Variants in AK9 observed in about 807,000 individuals in gnomAD.
AK9 encodes adenylate kinase domain containing 1.
Under a neutral mutation model 239.6 loss-of-function variants are expected in AK9, and 191 were observed. The ratio of observed to expected loss-of-function variants is 0.80; its 90% CI spans 0.71 to 0.90. AK9 has a LOEUF of 0.90. Among genes scored for constraint, AK9 ranks in the 40% least tolerant of loss-of-function variants. The pLI, the probability that AK9 is intolerant of heterozygous loss-of-function variation, is 0.00. For synonymous variants in AK9, 689 were observed against 721.0 expected, an observed-to-expected ratio of 0.96 and a Z score of 0.71; for missense variants, 1,995 against 2,214.7, an observed-to-expected ratio of 0.90 and a Z score of 1.99.
intron 17 of AK9, among the ~76,000 whole-genome samples, chr6:109,587,331 T>G (rs768378063): frequency 6.6e-6 from 1 of 152,238 alleles, no homozygotes; most frequent in African/African-American, 2.4e-5. Flanking sequence ...AACATTGAGA[T>G]ATAACTTATA....
In AK9 at chr6:109,497,697, A is replaced by T. The variant is rs144863971; in HGVS notation, c.5216+99T>A. On this transcript the variant is annotated intron_variant, in intron 37 of 40. Transcript: ENST00000424296. ...AGAAATAGAATATTTTTCCAATTAA[A>T]CAACAGCGAACTTTTGACCAATATG... The T allele has an allele frequency of 2.1e-6, 3 of 1,440,230 alleles. No homozygotes were observed. The African/African-American group carries it at 4.3e-5, about 21-fold the overall frequency. 89.2% of individuals were successfully genotyped at this position (1,440,230 alleles called of 1,614,324 possible). A position where few individuals can be genotyped will look rare whatever the true frequency, so the allele number is the denominator to read the frequency against.
At chr6:109,630,317 A>G (rs562329344) in intron 12 of AK9, among the ~76,000 whole-genome samples, 3 of 152,310 alleles carry the variant, frequency 2.0e-5, no homozygotes, top group African/African-American at 7.2e-5. Flanking sequence ...CAGAAGAGTC[A>G]ATATTGTAAA....
At chr6:109,502,957 A>ATGTGTGTGTGTGTGTGTGTG (rs58542655) in intron 35 of AK9, among the ~76,000 whole-genome samples, 12 of 145,498 alleles carry the variant, frequency 8.2e-5, no homozygotes, top group African/African-American at 3.0e-4. Context: ...CAGGAACGGT[A>ATGTGTGTGTGTGTGTGTGTG]TGTGTGTGTG....
chr6:109,659,786 G>A (rs1383884103), intron 6 of AK9, among the ~76,000 whole-genome samples: 1 of 152,054 alleles, frequency 6.6e-6, no homozygotes, highest in Non-Finnish European at 1.5e-5. Context: ...AGCAAAATGG[G>A]GGGAATAGCC....
intron 8 of AK9, among the ~76,000 whole-genome samples, chr6:109,645,143 T>G (rs751283157): frequency 2.0e-5 from 3 of 152,212 alleles, no homozygotes; most frequent in Non-Finnish European, 4.4e-5. Context: ...GCGTGATCGA[T>G]GCAGAAGATG....
intron 27 of AK9, among the ~76,000 whole-genome samples, chr6:109,539,595 T>A (rs571936248): frequency 5.3e-5 from 8 of 152,350 alleles, no homozygotes; most frequent in Admixed American, 5.2e-4. Context: ...AGCCTTCTTC[T>A]CTCAACTTGT....
chr6:109,636,560 T>C lies in AK9; in HGVS notation c.934-3237A>G, dbSNP rs1447555638. On this transcript the variant is annotated intron_variant, in intron 10 of 40. Coordinates refer to ENST00000424296, the MANE Select transcript of AK9 (RefSeq NM_001145128.3). Reference sequence around the variant, plus strand: ...CTCTGTACTCATGAAATAACTCTCCTTCCCCCCAGCCCCTGGTAACCTCTA... The same window carrying C: ...CTCTGTACTCATGAAATAACTCTCCCTCCCCCCAGCCCCTGGTAACCTCTA... Among the ~76,000 whole-genome samples, 3 of 151,316 alleles carry C rather than the reference T, an allele frequency of 2.0e-5. No homozygotes were observed. In the East Asian group the frequency reaches 5.8e-4, roughly 29 times the overall value.
Position 109,545,944 on chromosome 6 carries a change from G to T in AK9, c.3148C>A (p.Gln1050Lys). The stretch of plus-strand genomic sequence containing the variant: ...TCTTCAAGTTCTTGTTTGGCAGCTT[G>T]CTCGTTCTCAGAATCTTCCTCAAAT... ...PEFEEDSENEQAAKQELEELA... is the reference protein window; with the variant it reads ...PEFEEDSENEKAAKQELEELA... Residue 1050 changes from glutamine (Q) to lysine (K), a missense_variant, in exon 26 of 41, where the codon CAA becomes AAA. By Grantham distance (53) the Gln-to-Lys change is moderately conservative. Coordinates refer to ENST00000424296, the MANE Select transcript of AK9 (RefSeq NM_001145128.3). 1.2e-6 allele frequency: 2 copies of T among 1,614,124 alleles called. No individual in the cohort carries two copies. The highest frequency in any genetic ancestry group is 1.7e-6 in the Non-Finnish European group (2 of 1,179,998).
chr6:109,663,584 T>C (rs1213354381), intron 5 of AK9, among the ~76,000 whole-genome samples: 1 of 152,064 alleles, frequency 6.6e-6, no homozygotes, highest in Non-Finnish European at 1.5e-5. Flanking sequence ...TTGATGAGAG[T>C]GGTGGTGACA....
intron 8 of AK9, among the ~76,000 whole-genome samples, chr6:109,652,128 T>C (rs567687988): frequency 1.3e-5 from 2 of 152,338 alleles, no homozygotes; most frequent in South Asian, 2.1e-4. Context: ...CCAAGATCCC[T>C]GATGAACATC....
intron 17 of AK9, among the ~76,000 whole-genome samples, chr6:109,592,149 C>T (rs544159569): frequency 6.7e-5 from 10 of 150,256 alleles, no homozygotes; most frequent in African/African-American, 2.2e-4. Context: ...TTTCAGCAAT[C>T]GAAAATTACT....
At chr6:109,583,197 C>T (rs1362306433) in intron 19 of AK9, among the ~76,000 whole-genome samples, 1 of 152,120 alleles carries the variant, frequency 6.6e-6, no homozygotes, top group Non-Finnish European at 1.5e-5. Context: ...TTTGTGACAT[C>T]TTCCTTATCC....
At position 109,635,260 on chromosome 6, in the gene AK9, G is replaced by A. The variant is rs1172353439; in HGVS notation, c.934-1937C>T. ...GATGAGTGGTAACTGACTTATATCA[G>A]AGATAGGTGAAAGCTAAATATCTGT... On this transcript the variant is annotated intron_variant, in intron 10 of 40. Transcript: ENST00000424296. 2.0e-5 allele frequency among the ~76,000 whole-genome samples: 3 copies of A among 152,196 alleles called. No homozygotes were observed. In the East Asian group the frequency reaches 5.8e-4, roughly 29 times the overall value.
chr6:109,633,864 T>G (rs537208452), intron 10 of AK9, among the ~76,000 whole-genome samples: 109 of 152,294 alleles, frequency 7.2e-4, no homozygotes, highest in African/African-American at 2.5e-3. Context: ...TCCAGATAAG[T>G]TAAGAAATAC....
intron 21 of AK9, among the ~76,000 whole-genome samples, chr6:109,568,070 C>T (rs1786848896): frequency 6.6e-6 from 1 of 152,034 alleles, no homozygotes; most frequent in Non-Finnish European, 1.5e-5. Flanking sequence ...CATCAAAAAG[C>T]TTATCCACCA....
At chr6:109,549,143 T>C (rs1562390295) in intron 25 of AK9, among the ~76,000 whole-genome samples, 2 of 152,226 alleles carry the variant, frequency 1.3e-5, no homozygotes, top group South Asian at 4.1e-4. Flanking sequence ...AAAATGACTA[T>C]TGTATAGCCA....
chr6:109,529,464 AT>A (rs766113154), intron 28 of AK9, among the ~76,000 whole-genome samples: 35 of 152,174 alleles, frequency 2.3e-4, no homozygotes, highest in Non-Finnish European at 3.5e-4. Context: ...ATCCCCAACC[AT>A]TTTGGCATGA....
At position 109,603,174 on chromosome 6, in the gene AK9, T is replaced by G. The variant is rs567412774; in HGVS notation, c.1842+7191A>C. On this transcript the variant is annotated intron_variant, in intron 17 of 40. Transcript: ENST00000424296. ...TGATTTTTAGAATTTTCAGTTTTTCTGCTCTGTTTTTTCCCCATCTTTGTG... is the reference window on the plus strand; with the variant it reads ...TGATTTTTAGAATTTTCAGTTTTTCGGCTCTGTTTTTTCCCCATCTTTGTG... 1.5e-4 allele frequency among the ~76,000 whole-genome samples: 23 copies of G among 152,334 alleles called. No homozygotes were observed. The South Asian group carries it at 2.9e-3, about 19-fold the overall frequency.
intron 8 of AK9, among the ~76,000 whole-genome samples, chr6:109,646,565 G>C (rs1798091350): frequency 6.6e-6 from 1 of 152,108 alleles, no homozygotes; most frequent in Non-Finnish European, 1.5e-5. Flanking sequence ...AAATGAAAGA[G>C]CCTCCAAGAA....
Sources: gnomAD v4.1 joint callset for allele counts (sites outside exome capture counted in the v4.1 genomes callset) on GRCh38, gnomAD v4.1.1 for gene constraint, MANE v1.5 for transcripts, NCBI Gene and HGNC (gene_info 2026-07-23, HGNC 2026-07-21) for gene names.